CCDC57: variants seen among roughly 807,000 people sequenced by gnomAD.
CCDC57 encodes the protein coiled-coil domain containing 57.
CCDC57 carries 118 observed loss-of-function variants against 118.9 expected under a neutral mutation model. That is an observed-to-expected ratio of 0.99 (90% CI 0.86 to 1.16). CCDC57 has a LOEUF of 1.16. Among genes scored for constraint, CCDC57 ranks in the 50% most tolerant of loss-of-function variants. The pLI is 0.00. For synonymous variants in CCDC57, 527 were observed against 532.9 expected (o/e 0.99, Z 0.15); for missense variants, 1,300 against 1,320.7 (o/e 0.98, Z 0.24).
At chr17:82,102,898 AAC>A (rs1288062413) in intron 19 of CCDC57, among the ~76,000 whole-genome samples, 2 of 147,158 alleles carry the variant, frequency 1.4e-5, no homozygotes, top group African/African-American at 5.4e-5. Context: ...AAAAAAAAAA[AAC>A]AAAAAAAACC....
intron 11 of CCDC57, among the ~76,000 whole-genome samples, chr17:82,173,781 G>A (rs1013672033): frequency 2.0e-5 from 3 of 151,652 alleles, no homozygotes; most frequent in African/African-American, 7.2e-5. Flanking sequence ...GACAGACCCC[G>A]CAAGGAGCCA....
At chr17:82,174,812 T>C (rs2045263384) in intron 11 of CCDC57, among the ~76,000 whole-genome samples, 1 of 152,278 alleles carries the variant, frequency 6.6e-6, no homozygotes, top group Admixed American at 6.5e-5. Context: ...TGCATGTTTT[T>C]ACTTCTGTAG....
intron 19 of CCDC57, among the ~76,000 whole-genome samples, chr17:82,105,396 A>T (rs1418086291): frequency 1.3e-5 from 2 of 152,152 alleles, no homozygotes; most frequent in African/African-American, 4.8e-5. Flanking sequence ...TCTCTTGGGA[A>T]CAAGGCTTTT....
intron 17 of CCDC57, among the ~76,000 whole-genome samples, chr17:82,132,053 G>A (rs2038451300): frequency 1.3e-5 from 2 of 150,700 alleles, no homozygotes; most frequent in African/African-American, 2.5e-5. Context: ...GGGAGGCGGA[G>A]GTTGCAGTGA....
At position 82,136,305 on chromosome 17, in the gene CCDC57, AC is replaced by A. The variant is rs576783169; in HGVS notation, c.2456-2112del. On this transcript the variant is annotated intron_variant, in intron 16 of 19. Coordinates refer to ENST00000665763, the Ensembl canonical transcript of CCDC57. ...CCAGCACGAGGGACCCTCAAACAGG[AC>A]ACAGAGGGAAAGAAGCCAGGCACAA... is the stretch of plus-strand genomic sequence containing the variant. 2.6e-4 allele frequency among the ~76,000 whole-genome samples: 39 copies of A among 152,306 alleles called. No homozygotes were observed. In the East Asian group the frequency reaches 6.9e-3, roughly 27 times the overall value.
intron 7 of CCDC57, among the ~76,000 whole-genome samples, chr17:82,190,695 CAAAAAAA>C (rs533549239): frequency 2.4e-4 from 12 of 49,964 alleles, no homozygotes; most frequent in African/African-American, 3.5e-4. Flanking sequence ...GACTCTGTCT[CAAAAAAA>C]AAAAAAAAAA....
Position 82,194,016 on chromosome 17 carries a change from C to A in CCDC57, c.742G>T (p.Glu248Ter), listed in dbSNP as rs754571879. 20 of 1,612,566 alleles carry A rather than the reference C, an allele frequency of 1.2e-5. No homozygotes were observed. Among genetic ancestry groups the A allele is most frequent in the Non-Finnish European group, 1.5e-5 (18 of 1,179,688 alleles). Residue 248 changes from glutamate to a stop codon, truncating the protein, a stop_gained, in exon 6 of 20, where the codon GAG becomes TAG. Coordinates refer to ENST00000665763, the Ensembl canonical transcript of CCDC57. LOFTEE classifies it high-confidence loss of function. The stretch of plus-strand genomic sequence containing the variant: ...CTCATGGCCTCCAGGTCCTGGAGCT[C>A]CCCGGCTCGGCTCTGGAGCTTCCTC...
intron 1 of CCDC57, among the ~76,000 whole-genome samples, chr17:82,209,482 T>C (rs182297127): frequency 3.3e-5 from 5 of 152,298 alleles, no homozygotes; most frequent in Admixed American, 3.3e-4. Flanking sequence ...ACAGGTTTTT[T>C]TGGTGTTTGT....
At chr17:82,116,349 A>C (rs1019303369) in intron 19 of CCDC57, among the ~76,000 whole-genome samples, 38 of 151,950 alleles carry the variant, frequency 2.5e-4, no homozygotes, top group African/African-American at 8.9e-4. Flanking sequence ...ACCCACCCAC[A>C]GGGTGCATGG....
intron 13 of CCDC57, among the ~76,000 whole-genome samples, chr17:82,168,081 C>T (rs1281121946): frequency 6.6e-6 from 1 of 152,208 alleles, no homozygotes; most frequent in Non-Finnish European, 1.5e-5. Flanking sequence ...ACAAACTTTT[C>T]CTTCATCTGA....
intron 19 of CCDC57, among the ~76,000 whole-genome samples, chr17:82,103,336 G>A (rs962232385): frequency 1.1e-4 from 16 of 152,086 alleles, no homozygotes; most frequent in African/African-American, 3.4e-4. Flanking sequence ...GTCCTGGGGG[G>A]CCCTGGACGC....
At chr17:82,130,462 T>A (rs2038162746) in intron 17 of CCDC57, among the ~76,000 whole-genome samples, 1 of 145,664 alleles carries the variant, frequency 6.9e-6, no homozygotes, top group Admixed American at 7.1e-5. Context: ...CAAAAAGTGC[T>A]GGGATTACAG....
chr17:82,147,690 T>C (rs1468440848), intron 16 of CCDC57, among the ~76,000 whole-genome samples: 2 of 127,988 alleles, frequency 1.6e-5, no homozygotes, highest in Admixed American at 7.9e-5. Context: ...GATGAATGGG[T>C]GGGTGGATGG....
At chr17:82,201,444 G>C (rs1296451126) in intron 3 of CCDC57, 94 bp downstream of exon 2, 3 of 1,389,674 alleles carry the variant, frequency 2.2e-6, no homozygotes, top group East Asian at 2.5e-5. Flanking sequence ...GGGGCAGTGA[G>C]AGTGGGCAGT....
chr17:82,203,329 C>T (rs2049219916), intron 2 of CCDC57, among the ~76,000 whole-genome samples: 1 of 152,096 alleles, frequency 6.6e-6, no homozygotes, highest in Non-Finnish European at 1.5e-5. Flanking sequence ...CCAGGAGAAC[C>T]GTGAGCCAAT....
chr17:82,188,137 G>T, intron 8 of CCDC57, 82 bp downstream of exon 7: 1 of 1,250,770 alleles, frequency 8.0e-7, no homozygotes, highest in Non-Finnish European at 1.1e-6. Context: ...CTTTCCTGTG[G>T]TCTGGCACCA....
At chr17:82,127,284 C>T (rs1043774564) in intron 19 of CCDC57, 5 of 985,272 alleles carry the variant, frequency 5.1e-6, no homozygotes, top group East Asian at 1.1e-4. Context: ...TCGCTGGGGT[C>T]GACCTGGCTC....
chr17:82,166,792 T>C (rs1343213961), intron 13 of CCDC57, among the ~76,000 whole-genome samples: 1 of 151,926 alleles, frequency 6.6e-6, no homozygotes, highest in Non-Finnish European at 1.5e-5. Flanking sequence ...ACCTGTAGCC[T>C]GTAGTCCCAG....
chr17:82,177,939 C>A (rs552837796), intron 11 of CCDC57, among the ~76,000 whole-genome samples: 1 of 149,834 alleles, frequency 6.7e-6, no homozygotes, highest in South Asian at 2.1e-4. Context: ...CAGCCCTGCA[C>A]CCCGCTTCCC....
Sources: allele counts gnomAD v4.1 joint callset (sites outside exome capture counted in the v4.1 genomes callset), GRCh38; gene constraint gnomAD v4.1.1; transcripts MANE v1.5; gene names NCBI Gene and HGNC (gene_info 2026-07-23, HGNC 2026-07-21).